Variants in CEMIP observed in about 807,000 individuals in gnomAD.
The protein encoded by CEMIP is cell migration inducing hyaluronidase 1, also known as cell migration-inducing and hyaluronan-binding protein.
A neutral mutation model predicts 156.9 loss-of-function variants in CEMIP; 105 were observed. The ratio of observed to expected loss-of-function variants is 0.67; its 90% CI spans 0.57 to 0.79. The LOEUF is 0.79. CEMIP is among the 30% of genes least tolerant of loss of function. The pLI is 0.00. For synonymous variants in CEMIP, 676 were observed against 668.4 expected (o/e 1.01, Z -0.17); for missense variants, 1,457 against 1,769.4 (o/e 0.82, Z 3.17).
intron 17 of CEMIP, among the ~76,000 whole-genome samples, chr15:80,922,591 CTCTTG>C (rs759147008): frequency 5.9e-5 from 9 of 152,212 alleles, no homozygotes; most frequent in Admixed American, 2.6e-4. Flanking sequence ...CTGCTGTTCC[CTCTTG>C]TCTTGTTTCT....
At chr15:80,911,532 C>T (rs1312117224) in intron 14 of CEMIP, among the ~76,000 whole-genome samples, 3 of 114,674 alleles carry the variant, frequency 2.6e-5, no homozygotes, top group South Asian at 4.3e-4. Flanking sequence ...ATACACCACA[C>T]ACACACACAC....
At chr15:80,846,899 C>T (rs952765111) in intron 1 of CEMIP, among the ~76,000 whole-genome samples, 6 of 152,178 alleles carry the variant, frequency 3.9e-5, no homozygotes, top group Non-Finnish European at 8.8e-5. Flanking sequence ...CCTGGCTGTG[C>T]ACTGGAAGCC....
At chr15:80,855,903 A>G (rs1214790274) in intron 1 of CEMIP, among the ~76,000 whole-genome samples, 3 of 152,208 alleles carry the variant, frequency 2.0e-5, no homozygotes, top group African/African-American at 7.2e-5. Flanking sequence ...GTAGTAGAGC[A>G]TATTAATGCA....
At chr15:80,879,995 C>A in intron 5 of CEMIP, 141 bp downstream of exon 5, 1 of 941,090 alleles carries the variant, frequency 1.1e-6, no homozygotes, top group Non-Finnish European at 1.7e-6. Flanking sequence ...GGATCATGAA[C>A]AAGACAGACA....
chr15:80,876,691 G>C (rs896242003), intron 3 of CEMIP, among the ~76,000 whole-genome samples: 2 of 152,170 alleles, frequency 1.3e-5, no homozygotes, highest in African/African-American at 2.4e-5. Context: ...GCCAGTAGCT[G>C]CCTTCCAATG....
chr15:80,867,164 CT>C (rs1404813998), intron 1 of CEMIP, among the ~76,000 whole-genome samples: 4 of 152,212 alleles, frequency 2.6e-5, no homozygotes, highest in Non-Finnish European at 5.9e-5. Flanking sequence ...ACAGCCTCCC[CT>C]GGGAGCTTGT....
At chr15:80,865,163 G>C (rs188675005) in intron 1 of CEMIP, among the ~76,000 whole-genome samples, 1 of 152,056 alleles carries the variant, frequency 6.6e-6, no homozygotes, top group South Asian at 2.1e-4. Flanking sequence ...GTGCAACTGA[G>C]GAACTAAATT....
In CEMIP at chr15:80,922,041, A is replaced by T; in HGVS notation, c.2106A>T (p.Val702=). The change falls in exon 17 of 30, where the codon GTA becomes GTT. Residue 702 remains valine (V), a synonymous_variant. Coordinates refer to ENST00000394685, the MANE Select transcript of CEMIP (RefSeq NM_001293298.2). ...ETGFWFIFHH[V]PTGPSVGMYS... ...GATTTTGGTTTATTTTTCACCACGTACCAACGGGCCCCTCCGTGGGAATGT... is the reference window on the plus strand; with the variant it reads ...GATTTTGGTTTATTTTTCACCACGTTCCAACGGGCCCCTCCGTGGGAATGT... 1 of 1,614,248 alleles carries T rather than the reference A, an allele frequency of 6.2e-7. No individual in the cohort carries two copies. The highest frequency in any genetic ancestry group is 8.5e-7 in the Non-Finnish European group (1 of 1,180,036).
intron 1 of CEMIP, among the ~76,000 whole-genome samples, chr15:80,816,818 A>G: frequency 6.9e-6 from 1 of 145,660 alleles, no homozygotes; most frequent in East Asian, 1.9e-4. Flanking sequence ...TAATGAGCAC[A>G]AACCAGGTGA....
At chr15:80,948,711 G>A in intron 29 of CEMIP, 86 bp from the exon 30 acceptor site, 1 of 1,579,106 alleles carries the variant, frequency 6.3e-7, no homozygotes. Context: ...GGGCGTGGGG[G>A]GCTGGCGATG....
rs763149229 is a variant in CEMIP at position 80,937,896 on chromosome 15, C to A, written c.3324C>A (p.Gly1108=). 5 of 1,614,082 alleles carry A rather than the reference C, an allele frequency of 3.1e-6. No individual in the cohort carries two copies. The highest frequency in any genetic ancestry group is 3.4e-6 in the Non-Finnish European group (4 of 1,180,030). Reference sequence around the variant, plus strand: ...TGCTGAAGCAAACGTCCAAGACGGGCGTCTTCGTGAGGACCTTGCAGATGG... The same window carrying A: ...TGCTGAAGCAAACGTCCAAGACGGGAGTCTTCGTGAGGACCTTGCAGATGG... ...NRLLKQTSKT[G]VFVRTLQMDK... is the part of the protein sequence containing the mutation. Residue 1108 remains glycine, a synonymous_variant, in exon 25 of 30, where the codon GGC becomes GGA. Transcript: ENST00000394685.
Position 80,949,289 on chromosome 15 carries a change from G to A in CEMIP, c.*365G>A, listed in dbSNP as rs1901715802. 1 of 368,166 alleles carries A rather than the reference G, an allele frequency of 2.7e-6. No homozygotes were observed. Among genetic ancestry groups the A allele is most frequent in the African/African-American group, 2.1e-5 (1 of 47,498 alleles). 22.8% of individuals were successfully genotyped at this position (368,166 alleles called of 1,614,324 possible). A position where few individuals can be genotyped will look rare whatever the true frequency, so the allele number is the denominator to read the frequency against. ...TTTGGCAGGAGCCCTGACCCAGCTAGGAGGTAGTCTGGAGGGCTGGTCATT... is the reference window on the plus strand; with the variant it reads ...TTTGGCAGGAGCCCTGACCCAGCTAAGAGGTAGTCTGGAGGGCTGGTCATT... On this transcript the variant is annotated 3_prime_UTR_variant, in exon 30 of 30. Transcript: ENST00000394685.
chr15:80,884,401 C>T, intron 7 of CEMIP, 47 bp downstream of exon 7: 2 of 1,573,400 alleles, frequency 1.3e-6, no homozygotes, highest in South Asian at 1.1e-5. Flanking sequence ...AACATTGAAG[C>T]CACTCTATCC....
intron 1 of CEMIP, among the ~76,000 whole-genome samples, chr15:80,810,892 C>T (rs1375076853): frequency 6.6e-6 from 1 of 152,228 alleles, no homozygotes. Context: ...TTCCAACCAT[C>T]TGGCTGTCCA....
intron 1 of CEMIP, among the ~76,000 whole-genome samples, chr15:80,859,190 G>A (rs941454982): frequency 6.6e-6 from 1 of 152,214 alleles, no homozygotes; most frequent in African/African-American, 2.4e-5. Context: ...TAGGAGCAAG[G>A]CGAGTGGGTC....
intron 1 of CEMIP, among the ~76,000 whole-genome samples, chr15:80,798,340 A>G (rs951168449): frequency 6.6e-6 from 1 of 152,232 alleles, no homozygotes; most frequent in Non-Finnish European, 1.5e-5. Context: ...GCTATAAAAT[A>G]ACATCAAATT....
Position 80,942,357 on chromosome 15 carries a change from G to A in CEMIP, c.3699+20G>A. On this transcript the variant is annotated intron_variant, in intron 27 of 29. Transcript: ENST00000394685. ...ATTGAAGTAAGTGCCTCTGGCCCCT[G>A]GAGGATTCGGGTTTGCTCATTGAGA... The A allele has an allele frequency of 6.2e-7, 1 of 1,600,074 alleles. No homozygotes were observed. The highest frequency in any genetic ancestry group is 8.6e-7 in the Non-Finnish European group (1 of 1,167,178).
chr15:80,883,877 G>A (rs970846793), intron 6 of CEMIP, among the ~76,000 whole-genome samples: 1 of 152,176 alleles, frequency 6.6e-6, no homozygotes, highest in Non-Finnish European at 1.5e-5. Context: ...CCTCAAGTAT[G>A]TGACCCACTC....
chr15:80,887,581 G>A (rs756098710), intron 7 of CEMIP, 113 bp from the exon 8 acceptor site: 1 of 772,698 alleles, frequency 1.3e-6, no homozygotes, highest in Non-Finnish European at 2.2e-6. Context: ...AAACAGCAGG[G>A]AGGGACCCTC....
Sources: gnomAD v4.1 joint callset for allele counts (sites outside exome capture counted in the v4.1 genomes callset) on GRCh38, gnomAD v4.1.1 for gene constraint, MANE v1.5 for transcripts, NCBI Gene and HGNC (gene_info 2026-07-23, HGNC 2026-07-21) for gene names.